Variants in LCE1D observed in about 807,000 individuals in gnomAD.
The protein encoded by LCE1D is late cornified envelope protein 1D.
For synonymous variants in LCE1D, 44 were observed against 65.0 expected (o/e 0.68, Z 1.55); for missense variants, 86 against 164.4 (o/e 0.52, Z 2.61).
Position 152,797,791 on chromosome 1 carries a change from C to G in LCE1D, c.-4C>G. On this transcript the variant is annotated 5_prime_UTR_variant, in exon 2 of 2. Coordinates refer to ENST00000326233, the MANE Select transcript of LCE1D (RefSeq NM_178352.3). ...CCCTCAGCTCCTGAACACCCACCAC[C>G]GAGATGTCCTGCCAGCAGAGCCAGC... 7.0e-7 allele frequency: 1 copy of G among 1,438,304 alleles called. No homozygotes were observed. Among genetic ancestry groups the G allele is most frequent in the Non-Finnish European group, 9.7e-7 (1 of 1,033,196 alleles). The allele number at this position is 1,438,304 out of a possible 1,614,324, so 89.1% of individuals were successfully genotyped here. A position where few individuals can be genotyped will look rare whatever the true frequency, so the allele number is the denominator to read the frequency against.
In LCE1D at chr1:152,797,957, G is replaced by C; in HGVS notation, c.163G>C (p.Gly55Arg). ...GGCCGSSSGG[G>R]CGSNSGGCCS... ...CTGCTGTGGCTCCAGCTCTGGGGGC[G>C]GCTGTGGCTCCAACTCTGGGGGCTG... The change falls in exon 2 of 2, where the codon GGC (glycine) becomes CGC (arginine). Residue 55 changes from glycine (G) to arginine (R), a missense_variant. By Grantham distance (125) the Gly-to-Arg change is moderately radical. Transcript: ENST00000326233. The C allele has an allele frequency of 6.7e-7, 1 of 1,483,334 alleles. No individual in the cohort carries two copies. Among genetic ancestry groups the C allele is most frequent in the Non-Finnish European group, 9.3e-7 (1 of 1,074,450 alleles). 91.9% of individuals were successfully genotyped at this position (1,483,334 alleles called of 1,614,324 possible). A position where few individuals can be genotyped will look rare whatever the true frequency, so the allele number is the denominator to read the frequency against.
rs374711569 is a variant in LCE1D, at chr1:152,797,833, T to C, written c.39T>C (p.Pro13=). The change falls in exon 2 of 2, where the codon CCT becomes CCC. Residue 13 remains proline (P), a synonymous_variant. Coordinates refer to ENST00000326233, the MANE Select transcript of LCE1D (RefSeq NM_178352.3). ...CQQSQQQCQP[P]PKCTPKCTPK... ...AGAGCCAGCAGCAGTGCCAGCCCCCTCCCAAGTGCACTCCCAAGTGCACTC... is the reference window on the plus strand; with the variant it reads ...AGAGCCAGCAGCAGTGCCAGCCCCCCCCCAAGTGCACTCCCAAGTGCACTC... 78 of 1,425,792 alleles carry C rather than the reference T, an allele frequency of 5.5e-5. 4 individuals are homozygous for C. In the East Asian group the frequency reaches 1.5e-3, roughly 28 times the overall value. The allele number at this position is 1,425,792 out of a possible 1,614,324, so 88.3% of individuals were successfully genotyped here. A position where few individuals can be genotyped will look rare whatever the true frequency, so the allele number is the denominator to read the frequency against.
intron 1 of LCE1D, among the ~76,000 whole-genome samples, chr1:152,797,158 A>G (rs1379023517): frequency 7.4e-6 from 1 of 134,680 alleles, no homozygotes; most frequent in Non-Finnish European, 1.7e-5. Context: ...GGGTTTATGA[A>G]CCCCACATTT....
At chr1:152,796,949 T>A (rs908549437) in intron 1 of LCE1D, among the ~76,000 whole-genome samples, 178 bp downstream of exon 1, 1 of 135,768 alleles carries the variant, frequency 7.4e-6, no homozygotes, top group African/African-American at 2.6e-5. Context: ...GCTGGCGGGC[T>A]GTGCCATGTG....
At position 152,798,082 on chromosome 1, in the gene LCE1D, G is replaced by A. The variant is rs41268496; in HGVS notation, c.288G>A (p.Ser96=). Residue 96 remains serine (S), a synonymous_variant, in exon 2 of 2, where the codon TCG becomes TCA. Coordinates refer to ENST00000326233, the MANE Select transcript of LCE1D (RefSeq NM_178352.3). ...GCTCTGACTGCTGCAGCCAGCCCTC[G>A]GGGGGCTCCAGCTGCTGCGGTGGGG... ...PQSSDCCSQP[S]GGSSCCGGGS... The A allele has an allele frequency of 2.0e-4, 286 of 1,428,358 alleles. 58 individuals are homozygous for A. Among genetic ancestry groups the A allele is most frequent in the African/African-American group, 1.1e-3 (78 of 69,352 alleles). The allele number at this position is 1,428,358 out of a possible 1,614,324, so 88.5% of individuals were successfully genotyped here. A position where few individuals can be genotyped will look rare whatever the true frequency, so the allele number is the denominator to read the frequency against.
intron 1 of LCE1D, among the ~76,000 whole-genome samples, chr1:152,797,058 C>T (rs1244381770): frequency 7.4e-6 from 1 of 135,746 alleles, no homozygotes; most frequent in Non-Finnish European, 1.7e-5. Context: ...TGGCAGCCCA[C>T]AGGAGGGAAG....
chr1:152,797,758 T>C lies in LCE1D; in HGVS notation c.-22-15T>C, dbSNP rs2101582979. On this transcript the variant is annotated splice_polypyrimidine_tract_variant and intron_variant, in intron 1 of 1. Transcript: ENST00000326233. ...CCTCTGCCTGGGTCTGACTTGTTAT[T>C]TGACTCTCCCTCAGCTCCTGAACAC... 7.1e-7 allele frequency: 1 copy of C among 1,416,552 alleles called. No individual in the cohort carries two copies. The highest frequency in any genetic ancestry group is 9.8e-7 in the Non-Finnish European group (1 of 1,015,742). The allele number at this position is 1,416,552 out of a possible 1,614,324, so 87.7% of individuals were successfully genotyped here. A position where few individuals can be genotyped will look rare whatever the true frequency, so the allele number is the denominator to read the frequency against.
In LCE1D at chr1:152,797,848, C is replaced by G. The variant is rs761560137; in HGVS notation, c.54C>G (p.Pro18=). The G allele has an allele frequency of 8.3e-5, 120 of 1,438,798 alleles. 35 individuals carry two copies. Among genetic ancestry groups the G allele is most frequent in the Non-Finnish European group, 1.1e-4 (115 of 1,033,604 alleles). The allele number at this position is 1,438,798 out of a possible 1,614,324, so 89.1% of individuals were successfully genotyped here. A position where few individuals can be genotyped will look rare whatever the true frequency, so the allele number is the denominator to read the frequency against. The change falls in exon 2 of 2, where the codon CCC becomes CCG. Residue 18 remains proline (P), a synonymous_variant. Transcript: ENST00000326233. ...QQCQPPPKCT[P]KCTPKCPAPK... ...GCCAGCCCCCTCCCAAGTGCACTCC[C>G]AAGTGCACTCCCAAGTGCCCCGCCC...
In LCE1D at chr1:152,797,805, A is replaced by G. The variant is rs770045594; in HGVS notation, c.11A>G (p.Gln4Arg). The change falls in exon 2 of 2, where the codon CAG (glutamine) becomes CGG (arginine). Residue 4 changes from glutamine (Q) to arginine (R), a missense_variant. Transcript: ENST00000326233. MSC[Q>R]QSQQQCQPPP... ...ACACCCACCACCGAGATGTCCTGCCAGCAGAGCCAGCAGCAGTGCCAGCCC... is the reference window on the plus strand; with the variant it reads ...ACACCCACCACCGAGATGTCCTGCCGGCAGAGCCAGCAGCAGTGCCAGCCC... 1.8e-5 allele frequency: 26 copies of G among 1,435,504 alleles called. 3 individuals are homozygous for G. In the African/African-American group the frequency reaches 2.9e-4, roughly 16 times the overall value. 88.9% of individuals were successfully genotyped at this position (1,435,504 alleles called of 1,614,324 possible).
Position 152,798,010 on chromosome 1 carries a change from C to T in LCE1D, c.216C>T (p.Cys72=). Residue 72 remains cysteine (C), a synonymous_variant, in exon 2 of 2, where the codon TGC becomes TGT. Transcript: ENST00000326233. ...GCCSSGGGGC[C]LSHHRRHRSH... ...GCAGCTCTGGGGGTGGTGGCTGCTG[C>T]CTGAGCCACCACAGGCGCCACAGGT... The T allele has an allele frequency of 4.2e-6, 6 of 1,439,836 alleles. 2 individuals carry two copies. Among genetic ancestry groups the T allele is most frequent in the Non-Finnish European group, 5.8e-6 (6 of 1,034,162 alleles). The allele number at this position is 1,439,836 out of a possible 1,614,324, so 89.2% of individuals were successfully genotyped here. A position where few individuals can be genotyped will look rare whatever the true frequency, so the allele number is the denominator to read the frequency against.
rs200221817 is a variant in LCE1D at position 152,797,882 on chromosome 1, C to T, written c.88C>T (p.Pro30Ser). ...TCCCAAGTGCCCCGCCCCTAAATGT[C>T]CCCCTAAGTGCCCTCCAGTCTCTTC... ...CTPKCPAPKCPPKCPPVSSCC... is the reference protein window; with the variant it reads ...CTPKCPAPKCSPKCPPVSSCC... The change falls in exon 2 of 2, where the codon CCC becomes TCC. Residue 30 changes from proline to serine, a missense_variant. Physicochemically the swap from Pro to Ser is moderately conservative, Grantham distance 74 (BLOSUM62 -1). Transcript: ENST00000326233. The T allele has an allele frequency of 6.5e-5, 93 of 1,440,310 alleles. 22 individuals are homozygous for T. The highest frequency in any genetic ancestry group is 8.2e-5 in the Non-Finnish European group (85 of 1,034,318). 89.2% of individuals were successfully genotyped at this position (1,440,310 alleles called of 1,614,324 possible). A position where few individuals can be genotyped will look rare whatever the true frequency, so the allele number is the denominator to read the frequency against.
rs756570442 is a variant in LCE1D at position 152,798,008 on chromosome 1, T to C, written c.214T>C (p.Cys72Arg). Residue 72 changes from cysteine to arginine, a missense_variant, in exon 2 of 2, where the codon TGC (cysteine) becomes CGC (arginine). Transcript: ENST00000326233. ...GCCSSGGGGC[C>R]LSHHRRHRSH... is the part of the protein sequence containing the mutation. ...CTGCAGCTCTGGGGGTGGTGGCTGC[T>C]GCCTGAGCCACCACAGGCGCCACAG... 2 of 1,439,866 alleles carry C rather than the reference T, an allele frequency of 1.4e-6. No homozygotes were observed. The highest frequency in any genetic ancestry group is 3.5e-5 in the Admixed American group (2 of 56,820). The allele number at this position is 1,439,866 out of a possible 1,614,324, so 89.2% of individuals were successfully genotyped here. A position where few individuals can be genotyped will look rare whatever the true frequency, so the allele number is the denominator to read the frequency against.
At chr1:152,796,886 G>A (rs1220061776) in intron 1 of LCE1D, 115 bp downstream of exon 1, 4 of 136,602 alleles carry the variant, frequency 2.9e-5, no homozygotes, top group African/African-American at 1.0e-4. Flanking sequence ...GAAGGGGCGG[G>A]GGCCAAAAGG....
At position 152,797,165 on chromosome 1, in the gene LCE1D, A is replaced by T. The variant is rs898314028; in HGVS notation, c.-23+394A>T. ...ACTCTTTGGGGTTTATGAACCCCAC[A>T]TTTTCATGGGTCTGAGATTTGTTCA... On this transcript the variant is annotated intron_variant, in intron 1 of 1. Coordinates refer to ENST00000326233, the MANE Select transcript of LCE1D (RefSeq NM_178352.3). Among the ~76,000 whole-genome samples, 4 of 134,730 alleles carry T rather than the reference A, an allele frequency of 3.0e-5. 1 individual carries two copies. Among genetic ancestry groups the T allele is most frequent in the African/African-American group, 5.3e-5 (2 of 37,748 alleles). The allele number at this position is 134,730 out of a possible 152,430, so 88.4% of individuals were successfully genotyped here. A position where few individuals can be genotyped will look rare whatever the true frequency, so the allele number is the denominator to read the frequency against.
chr1:152,797,808 AG>A lies in LCE1D; in HGVS notation c.15del (p.Ser6AlafsTer68). ...CCCACCACCGAGATGTCCTGCCAGCAGAGCCAGCAGCAGTGCCAGCCCCCTC... is the reference window on the plus strand; with the variant it reads ...CCCACCACCGAGATGTCCTGCCAGCAAGCCAGCAGCAGTGCCAGCCCCCTC... MSCQQSQQQCQPPPK... is the reference protein window; with the variant it reads MSCQXSQQQCQPPPK... On this transcript the variant is annotated frameshift_variant, in exon 2 of 2. Transcript: ENST00000326233. LOFTEE classifies it high-confidence loss of function. 7.0e-7 allele frequency: 1 copy of A among 1,436,530 alleles called. No individual in the cohort carries two copies. The allele number at this position is 1,436,530 out of a possible 1,614,324, so 89.0% of individuals were successfully genotyped here.
At position 152,797,667 on chromosome 1, in the gene LCE1D, T is replaced by C. The variant is rs1652094953; in HGVS notation, c.-22-106T>C. 5 of 770,618 alleles carry C rather than the reference T, an allele frequency of 6.5e-6. 1 individual carries two copies. In the Admixed American group the frequency reaches 7.6e-5, roughly 12 times the overall value. The allele number at this position is 770,618 out of a possible 1,614,324, so 47.7% of individuals were successfully genotyped here. ...GAGATTTTGAGGAAATTATTGGAAA[T>C]AAAACTACTGAAGATGATGCTTTTA... On this transcript the variant is annotated intron_variant, in intron 1 of 1. Coordinates refer to ENST00000326233, the MANE Select transcript of LCE1D (RefSeq NM_178352.3).
At chr1:152,797,723 G>GCAGAGGTGGC in intron 1 of LCE1D, 50 bp from the exon 2 acceptor site, 1 of 1,205,798 alleles carries the variant, frequency 8.3e-7, no homozygotes, top group Non-Finnish European at 1.2e-6. Context: ...TGTCACAGGG[G>GCAGAGGTGGC]CAGAGGTGGC....
Position 152,798,030 on chromosome 1 carries a change from A to T in LCE1D, c.236A>T (p.His79Leu), listed in dbSNP as rs758494526. 7 of 1,439,066 alleles carry T rather than the reference A, an allele frequency of 4.9e-6. No individual in the cohort carries two copies. Among genetic ancestry groups the T allele is most frequent in the African/African-American group, 1.4e-5 (1 of 69,582 alleles). 89.1% of individuals were successfully genotyped at this position (1,439,066 alleles called of 1,614,324 possible). Residue 79 changes from histidine (H) to leucine (L), a missense_variant, in exon 2 of 2, where the codon CAC becomes CTC. Transcript: ENST00000326233. ...TGCTGCCTGAGCCACCACAGGCGCC[A>T]CAGGTCCCACCGTCGCAGACCCCAG... is the stretch of plus-strand genomic sequence containing the variant. ...GGCCLSHHRR[H>L]RSHRRRPQSS...
intron 1 of LCE1D, 48 bp downstream of exon 1, chr1:152,796,819 G>C (rs1411860032): frequency 7.3e-6 from 1 of 137,090 alleles, no homozygotes; most frequent in Non-Finnish European, 1.7e-5. Context: ...GGGAAGGAGG[G>C]GCAGGGCCTC....
Sources: allele counts gnomAD v4.1 joint callset (sites outside exome capture counted in the v4.1 genomes callset), GRCh38; gene constraint gnomAD v4.1.1; transcripts MANE v1.5; gene names NCBI Gene and HGNC (gene_info 2026-07-23, HGNC 2026-07-21).